Variants in CASR observed in about 807,000 individuals in gnomAD.
CASR encodes calcium sensing receptor.
In CASR, 23 loss-of-function variants were observed where a neutral mutation model predicts 69.1. That is an observed-to-expected ratio of 0.33 (90% CI 0.24 to 0.47). The LOEUF (loss-of-function observed/expected upper bound fraction) is 0.47, where lower values mean the gene tolerates loss of function less well. Among genes scored for constraint, CASR ranks in the 20% least tolerant of loss-of-function variants. The probability of loss-of-function intolerance (pLI) is 1.00; values close to 1 mark genes in which losing one functional copy is unlikely to be tolerated. For missense variants in CASR, 924 were observed against 1,356.1 expected, an observed-to-expected ratio of 0.68 and a Z score of 5.00; for synonymous variants, 541 against 544.7, an observed-to-expected ratio of 0.99 and a Z score of 0.10.
At chr3:122,221,686 A>C (rs892030178) in intron 1 of CASR, among the ~76,000 whole-genome samples, 2 of 152,216 alleles carry the variant, frequency 1.3e-5, no homozygotes, top group Non-Finnish European at 2.9e-5. Flanking sequence ...CCAGTGAACA[A>C]TGAAATCCCA....
In CASR at chr3:122,284,903, G is replaced by A. The variant is rs1449962489; in HGVS notation, c.2949G>A (p.Gln983=). 1 of 1,614,096 alleles carries A rather than the reference G, an allele frequency of 6.2e-7. No homozygotes were observed. Among genetic ancestry groups the A allele is most frequent in the Admixed American group, 1.7e-5 (1 of 60,012 alleles). The change falls in exon 7 of 7, where the codon CAG becomes CAA. Residue 983 remains glutamine, a synonymous_variant. Transcript: ENST00000639785. ...VTFSLSFDEP[Q]KNAMAHRNST... ...TCTCACTGAGCTTTGATGAGCCTCA[G>A]AAGAACGCCATGGCCCACAGGAATT...
intron 1 of CASR, among the ~76,000 whole-genome samples, chr3:122,194,338 C>T (rs1173097351): frequency 6.6e-6 from 1 of 152,110 alleles, no homozygotes; most frequent in East Asian, 1.9e-4. Context: ...GGATTTAGAG[C>T]TCCTTGAAAA....
At chr3:122,227,169 C>T (rs754507484) in intron 1 of CASR, among the ~76,000 whole-genome samples, 3 of 152,272 alleles carry the variant, frequency 2.0e-5, no homozygotes, top group Non-Finnish European at 2.9e-5. Context: ...GATCCCGCAC[C>T]GGGACCACAG....
chr3:122,253,755 C>T (rs964711261), intron 1 of CASR, among the ~76,000 whole-genome samples, 193 bp from the exon 2 acceptor site: 2 of 152,180 alleles, frequency 1.3e-5, no homozygotes, highest in African/African-American at 4.8e-5. Context: ...CATAGTTCTT[C>T]CCCAATATGG....
intron 6 of CASR, 95 bp downstream of exon 6, chr3:122,282,331 C>T: frequency 3.3e-6 from 4 of 1,229,070 alleles, no homozygotes; most frequent in Non-Finnish European, 4.8e-6. Flanking sequence ...TGAGATGGTG[C>T]TTTGCACAGT....
intron 3 of CASR, among the ~76,000 whole-genome samples, chr3:122,258,750 G>A (rs1030656500): frequency 6.6e-6 from 1 of 152,058 alleles, no homozygotes; most frequent in Admixed American, 6.6e-5. Flanking sequence ...CTACAGTAGG[G>A]GTTCTCTGCC....
chr3:122,276,669 G>A (rs554615053), intron 5 of CASR, among the ~76,000 whole-genome samples: 16 of 152,290 alleles, frequency 1.1e-4, no homozygotes, highest in African/African-American at 3.9e-4. Flanking sequence ...TCACACAGAG[G>A]TAGTGTGACA....
At position 122,257,347 on chromosome 3, in the gene CASR, C is replaced by T. The variant is rs104893694; in HGVS notation, c.452C>T (p.Thr151Met). The T allele has an allele frequency of 6.2e-7, 1 of 1,614,138 alleles. No individual in the cohort carries two copies. Among genetic ancestry groups the T allele is most frequent in the Non-Finnish European group, 8.5e-7 (1 of 1,179,984 alleles). Residue 151 changes from threonine (T) to methionine (M), a missense_variant, in exon 3 of 7, where the codon ACG becomes ATG. Coordinates refer to ENST00000639785, the MANE Select transcript of CASR (RefSeq NM_000388.4). ...GGAGCAACTGGCTCAGGCGTCTCCA[C>T]GGCAGTGGCAAATCTGCTGGGGCTC... ...VVGATGSGVS[T>M]AVANLLGLFY...
At position 122,262,244 on chromosome 3, in the gene CASR, T is replaced by G. The variant is rs387907400; in HGVS notation, c.1209T>G (p.Ser403Arg). 1.9e-6 allele frequency: 3 copies of G among 1,614,158 alleles called. No homozygotes were observed. Among genetic ancestry groups the G allele is most frequent in the Non-Finnish European group, 2.5e-6 (3 of 1,179,998 alleles). Residue 403 changes from serine (S) to arginine (R), a missense_variant, in exon 4 of 7, where the codon AGT becomes AGG. Coordinates refer to ENST00000639785, the MANE Select transcript of CASR (RefSeq NM_000388.4). ...PLCTGDENIS[S>R]VETPYIDYTH... ...GTACAGGGGATGAGAACATCAGCAGTGTCGAGACCCCTTACATAGATTACA... is the reference window on the plus strand; with the variant it reads ...GTACAGGGGATGAGAACATCAGCAGGGTCGAGACCCCTTACATAGATTACA...
chr3:122,222,604 C>A (rs2074182599), intron 1 of CASR, among the ~76,000 whole-genome samples: 1 of 152,088 alleles, frequency 6.6e-6, no homozygotes, highest in Non-Finnish European at 1.5e-5. Context: ...ATTTAGATAA[C>A]CACACGATAA....
intron 1 of CASR, among the ~76,000 whole-genome samples, chr3:122,201,019 T>TTA (rs1323155788): frequency 2.9e-4 from 40 of 139,282 alleles, no homozygotes; most frequent in African/African-American, 9.2e-4. Context: ...TTTTTTTTTT[T>TTA]ATTGATCATT....
At chr3:122,196,932 C>A (rs893452544) in intron 1 of CASR, among the ~76,000 whole-genome samples, 4 of 152,036 alleles carry the variant, frequency 2.6e-5, no homozygotes, top group Non-Finnish European at 4.4e-5. Context: ...ATATCCATCA[C>A]CTCACCTCAG....
rs992666222 is a variant in CASR, at chr3:122,285,208, T to C, written c.*17T>C. 1 of 1,611,654 alleles carries C rather than the reference T, an allele frequency of 6.2e-7. No individual in the cohort carries two copies. On this transcript the variant is annotated 3_prime_UTR_variant, in exon 7 of 7. Coordinates refer to ENST00000639785, the MANE Select transcript of CASR (RefSeq NM_000388.4). ...AATTCATAAAATGGAAGGAGAAGAC[T>C]GGGCTAGGGAGAATGCAGAGAGGTT...
At chr3:122,197,976 A>G (rs913144265) in intron 1 of CASR, among the ~76,000 whole-genome samples, 1 of 152,174 alleles carries the variant, frequency 6.6e-6, no homozygotes, top group African/African-American at 2.4e-5. Context: ...GCATTTTTTC[A>G]GATCTTTTAA....
intron 5 of CASR, 95 bp from the exon 6 acceptor site, chr3:122,282,018 C>T (rs2074894347): frequency 6.3e-7 from 1 of 1,579,288 alleles, no homozygotes; most frequent in African/African-American, 1.3e-5. Flanking sequence ...TTCTTGTGCC[C>T]AAACTCCTCC....
At chr3:122,250,000 T>G (rs2173961) in intron 1 of CASR, among the ~76,000 whole-genome samples, 101,713 of 152,064 alleles carry the variant, frequency 0.67, 34,326 homozygotes, top group Admixed American at 0.78. Context: ...CTAGCTGTCA[T>G]ATCCACCTCC....
Position 122,284,696 on chromosome 3 carries a change from C to T in CASR, c.2742C>T (p.Ile914=), listed in dbSNP as rs539528196. 1 of 1,613,630 alleles carries T rather than the reference C, an allele frequency of 6.2e-7. No homozygotes were observed. The highest frequency in any genetic ancestry group is 1.3e-5 in the African/African-American group (1 of 75,064). ...GSTGSTPSSS[I]SSKSNSEDPF... The stretch of plus-strand genomic sequence containing the variant: ...CGGGATCCACCCCCTCCTCCTCCAT[C>T]AGCAGCAAGAGCAACAGCGAAGACC... Residue 914 remains isoleucine, a synonymous_variant, in exon 7 of 7, where the codon ATC becomes ATT. Coordinates refer to ENST00000639785, the MANE Select transcript of CASR (RefSeq NM_000388.4).
At position 122,284,982 on chromosome 3, in the gene CASR, C is replaced by CA; in HGVS notation, c.3029dup (p.His1010GlnfsTer39). 6.2e-7 allele frequency: 1 copy of CA among 1,614,220 alleles called. No homozygotes were observed. Among genetic ancestry groups the CA allele is most frequent in the Non-Finnish European group, 8.5e-7 (1 of 1,180,034 alleles). On this transcript the variant is annotated frameshift_variant, in exon 7 of 7. Coordinates refer to ENST00000639785, the MANE Select transcript of CASR (RefSeq NM_000388.4). LOFTEE classifies it low-confidence loss of function (END_TRUNC). ...GAAAAGCAGCGATACGCTGACCCGA[C>CA]ACGAGCCATTACTCCCGCTGCAGTG... is the stretch of plus-strand genomic sequence containing the variant.
chr3:122,185,167 CTTTTT>C (rs2073766084), intron 1 of CASR, among the ~76,000 whole-genome samples: 1 of 152,056 alleles, frequency 6.6e-6, no homozygotes, highest in Non-Finnish European at 1.5e-5. Flanking sequence ...GCATATGTTT[CTTTTT>C]TTAAGTCAAA....
Sources: gnomAD v4.1 joint callset for allele counts (sites outside exome capture counted in the v4.1 genomes callset) on GRCh38, gnomAD v4.1.1 for gene constraint, MANE v1.5 for transcripts, NCBI Gene and HGNC (gene_info 2026-07-23, HGNC 2026-07-21) for gene names.